Variants in TTF2 observed in about 807,000 individuals in gnomAD.
TTF2 encodes RNA polymerase II termination factor.
In TTF2, 108 loss-of-function variants were observed where a neutral mutation model predicts 142.4. The ratio of observed to expected loss-of-function variants is 0.76; its 90% confidence interval spans 0.65 to 0.89. TTF2 has a LOEUF of 0.89. Among genes scored for constraint, TTF2 ranks in the 40% least tolerant of loss-of-function variants. The pLI, the probability that TTF2 is intolerant of heterozygous loss-of-function variation, is 0.00. For synonymous variants in TTF2, 483 were observed against 506.2 expected (o/e 0.95, Z 0.61); for missense variants, 1,327 against 1,379.8 (o/e 0.96, Z 0.61).
intron 10 of TTF2, 145 bp from the exon 11 acceptor site, chr1:117,083,873 A>C (rs1304318318): frequency 1.1e-6 from 1 of 900,110 alleles, no homozygotes; most frequent in Non-Finnish European, 1.7e-6. Flanking sequence ...CCACTGTGGG[A>C]GGCTAAGGCA....
chr1:117,082,871 TTGAA>T (rs2101071401), intron 10 of TTF2, among the ~76,000 whole-genome samples: 1 of 152,224 alleles, frequency 6.6e-6, no homozygotes, highest in South Asian at 2.1e-4. Flanking sequence ...ACTTTAAAGA[TTGAA>T]TATGTTATGT....
intron 7 of TTF2, among the ~76,000 whole-genome samples, chr1:117,077,130 A>G (rs1343171600): frequency 6.6e-6 from 1 of 152,024 alleles, no homozygotes; most frequent in Non-Finnish European, 1.5e-5. Context: ...AAGCCAAAAC[A>G]TAGTATGTGT....
intron 19 of TTF2, 76 bp downstream of exon 19, chr1:117,095,443 T>C (rs1220811835): frequency 7.3e-7 from 1 of 1,378,256 alleles, no homozygotes; most frequent in East Asian, 2.3e-5. Context: ...GAGTTATAAA[T>C]CAAGGACTGT....
At chr1:117,089,992 C>T in intron 13 of TTF2, 63 bp from the exon 14 acceptor site, 1 of 1,539,966 alleles carries the variant, frequency 6.5e-7, no homozygotes, top group East Asian at 2.3e-5. Flanking sequence ...TACTTTGAAC[C>T]TTTATTCCAT....
rs1234481477 is a variant in TTF2, at chr1:117,087,835, C to G, written c.2161-966C>G. 1.3e-5 allele frequency among the ~76,000 whole-genome samples: 2 copies of G among 152,320 alleles called. No individual in the cohort carries two copies. Among genetic ancestry groups the G allele is most frequent in the Non-Finnish European group, 2.9e-5 (2 of 68,026 alleles). On this transcript the variant is annotated intron_variant, in intron 12 of 22. Transcript: ENST00000369466. This position sits in a 1 kb window ranked among gnomAD's most constrained non-coding sequence, Gnocchi z 4.8. ...TTCTGGACCACTCCCTTCCCACCTTCCCCCGGTTTGGTTGAATGCCTCTGC... is the reference window on the plus strand; with the variant it reads ...TTCTGGACCACTCCCTTCCCACCTTGCCCCGGTTTGGTTGAATGCCTCTGC...
chr1:117,096,113 T>C (rs1360232637), intron 19 of TTF2, 36 bp from the exon 20 acceptor site: 2 of 1,611,648 alleles, frequency 1.2e-6, no homozygotes, highest in Non-Finnish European at 1.7e-6. Flanking sequence ...GTTTAATCTA[T>C]GTTAGGGTAT....
chr1:117,081,770 T>G, intron 9 of TTF2, 58 bp from the exon 10 acceptor site: 1 of 1,579,616 alleles, frequency 6.3e-7, no homozygotes, highest in Non-Finnish European at 8.6e-7. Flanking sequence ...CCTCTTGAAC[T>G]AGGGTTGATT....
chr1:117,067,271 C>T (rs922250264), intron 3 of TTF2, among the ~76,000 whole-genome samples: 2 of 152,152 alleles, frequency 1.3e-5, no homozygotes, highest in Non-Finnish European at 2.9e-5. Context: ...GTGGTTCACA[C>T]CTGTAATCTC....
rs1430082138 is a variant in TTF2, at chr1:117,086,554, T to A, written c.2160+32T>A. On this transcript the variant is annotated intron_variant, in intron 12 of 22. Transcript: ENST00000369466. This position sits in a 1 kb window ranked among gnomAD's most constrained non-coding sequence, Gnocchi z 4.2. The stretch of plus-strand genomic sequence containing the variant: ...CTGGGGGGCAGCCAGGGAAGTGGAG[T>A]TGGAGCCACAGATGGTTTAATGGGA... The A allele has an allele frequency of 1.3e-6, 2 of 1,533,794 alleles. No individual in the cohort carries two copies. Among genetic ancestry groups the A allele is most frequent in the African/African-American group, 2.7e-5 (2 of 73,148 alleles).
Position 117,065,522 on chromosome 1 carries a change from C to T in TTF2, c.218+3049C>T, listed in dbSNP as rs181087011. Among the ~76,000 whole-genome samples the T allele has an allele frequency of 2.3e-3, 345 of 152,142 alleles. 1 individual carries two copies. Among genetic ancestry groups the T allele is most frequent in the African/African-American group, 7.9e-3 (328 of 41,528 alleles). On this transcript the variant is annotated intron_variant, in intron 3 of 22. Coordinates refer to ENST00000369466, the MANE Select transcript of TTF2 (RefSeq NM_003594.4). ...CTGAGGCAGGAGAATGGCGTGAACC[C>T]GGAGGCAGAGCTTACAGTGAGCCGG...
chr1:117,091,729 T>C, intron 16 of TTF2, 88 bp from the exon 17 acceptor site: 2 of 1,483,378 alleles, frequency 1.3e-6, no homozygotes, highest in Non-Finnish European at 1.8e-6. Context: ...TCAAACATGG[T>C]TAAAGTAGCC....
chr1:117,091,193 T>G, intron 15 of TTF2, 135 bp from the exon 16 acceptor site: 1 of 595,114 alleles, frequency 1.7e-6, no homozygotes, highest in Admixed American at 3.3e-5. Flanking sequence ...TGCATTACCT[T>G]TGGCCATTGC....
intron 10 of TTF2, among the ~76,000 whole-genome samples, chr1:117,083,571 T>G (rs1020326293): frequency 1.3e-5 from 2 of 152,224 alleles, no homozygotes; most frequent in Non-Finnish European, 2.9e-5. Context: ...CAGCTTTCAC[T>G]TCCAGCCACT....
Position 117,075,824 on chromosome 1 carries a change from C to T in TTF2, c.1240C>T (p.Arg414Cys), listed in dbSNP as rs552201200. 4.2e-5 allele frequency: 67 copies of T among 1,612,508 alleles called. No individual in the cohort carries two copies. The East Asian group carries it at 1.4e-3, about 33-fold the overall frequency. Residue 414 changes from arginine to cysteine, a missense_variant, in exon 5 of 23, where the codon CGT (arginine) becomes TGT (cysteine). By Grantham distance (180) the Arg-to-Cys change is radical. Coordinates refer to ENST00000369466, the MANE Select transcript of TTF2 (RefSeq NM_003594.4). The surrounding 1 kb of genome is among the most constrained non-coding windows in gnomAD (Gnocchi z 4.5). ...AGAACCCTCAGACCCAGTAGCCCGG[C>T]GTGTCTACCTTACAACACAACTGAA... ...KVEPSDPVARRVYLTTQLKQK... is the reference protein window; with the variant it reads ...KVEPSDPVARCVYLTTQLKQK...
Position 117,079,791 on chromosome 1 carries a change from G to A in TTF2, c.1783+142G>A. 3.6e-6 allele frequency: 3 copies of A among 823,684 alleles called. No homozygotes were observed. Among genetic ancestry groups the A allele is most frequent in the Middle Eastern group, 5.0e-4 (2 of 3,978 alleles). 51.0% of individuals were successfully genotyped at this position (823,684 alleles called of 1,614,324 possible). Reference sequence around the variant, plus strand: ...TCATTTTACAGATGATGAAAGTGAAGCATGGAAGTGTTAAGCAACTTGCTC... The same window carrying A: ...TCATTTTACAGATGATGAAAGTGAAACATGGAAGTGTTAAGCAACTTGCTC... On this transcript the variant is annotated intron_variant, in intron 9 of 22. Transcript: ENST00000369466. The surrounding 1 kb of genome is among the most constrained non-coding windows in gnomAD (Gnocchi z 4.2).
Position 117,101,614 on chromosome 1 carries a change from T to C in TTF2, c.*90T>C. 1 of 1,311,764 alleles carries C rather than the reference T, an allele frequency of 7.6e-7. No individual in the cohort carries two copies. Among genetic ancestry groups the C allele is most frequent in the Non-Finnish European group, 1.0e-6 (1 of 1,004,958 alleles). 81.3% of individuals were successfully genotyped at this position (1,311,764 alleles called of 1,614,324 possible). A position where few individuals can be genotyped will look rare whatever the true frequency, so the allele number is the denominator to read the frequency against. On this transcript the variant is annotated 3_prime_UTR_variant, in exon 23 of 23. Coordinates refer to ENST00000369466, the MANE Select transcript of TTF2 (RefSeq NM_003594.4). This position sits in a 1 kb window ranked among gnomAD's most constrained non-coding sequence, Gnocchi z 5.9. ...ACCTAACCATGAGCCTTGAACTCTG[T>C]TCTTTGCATTTCAATTTCACCGTCA...
chr1:117,068,570 C>T lies in TTF2; in HGVS notation c.219-5091C>T, dbSNP rs960964149. ...AAAAAAAAAAAAAGAAAAATATTCA[C>T]CTCCAAAAAAAAATTAATTGGTTGT... On this transcript the variant is annotated intron_variant, in intron 3 of 22. Transcript: ENST00000369466. Among the ~76,000 whole-genome samples the T allele has an allele frequency of 9.2e-5, 14 of 151,784 alleles. 1 individual carries two copies. Among genetic ancestry groups the T allele is most frequent in the Admixed American group, 2.6e-4 (4 of 15,252 alleles).
chr1:117,088,803 C>T lies in TTF2; in HGVS notation c.2163C>T (p.Gly721=), dbSNP rs1648271567. The T allele has an allele frequency of 1.9e-6, 3 of 1,611,748 alleles. No homozygotes were observed. Among genetic ancestry groups the T allele is most frequent in the Admixed American group, 3.4e-5 (2 of 59,572 alleles). The change falls in exon 13 of 23, where the codon GGC becomes GGT. Residue 721 remains glycine (G), a splice_region_variant and synonymous_variant. Coordinates refer to ENST00000369466, the MANE Select transcript of TTF2 (RefSeq NM_003594.4). ...EIPGANLNVE[G]TSTPLLRIAW... is the part of the protein sequence containing the mutation. ...GATTTCACTTGTGATTCTTCCAGGG[C>T]ACCTCAACACCTTTGCTTCGAATAG...
Position 117,099,373 on chromosome 1 carries a change from G to A in TTF2, c.3344+466G>A, listed in dbSNP as rs1283433306. On this transcript the variant is annotated intron_variant, in intron 22 of 22. Transcript: ENST00000369466. This position sits in a 1 kb window ranked among gnomAD's most constrained non-coding sequence, Gnocchi z 4.3. ...CTTAAAATTAAGGGAATTCTCTTAC[G>A]TAACCCCAATAAAATCATCAAAATC... Among the ~76,000 whole-genome samples the A allele has an allele frequency of 2.6e-5, 4 of 152,078 alleles. No homozygotes were observed. Among genetic ancestry groups the A allele is most frequent in the Non-Finnish European group, 5.9e-5 (4 of 67,986 alleles).
Sources: gnomAD v4.1 joint callset for allele counts (sites outside exome capture counted in the v4.1 genomes callset) on GRCh38, gnomAD v4.1.1 for gene constraint, Gnocchi (gnomAD v3.1) non-coding constraint, MANE v1.5 for transcripts, NCBI Gene and HGNC (gene_info 2026-07-23, HGNC 2026-07-21) for gene names.